The following INO80 variants were observed in gnomAD, a reference collection of about 807,000 sequenced individuals.
INO80 encodes INO80 complex ATPase subunit, also known as chromatin-remodeling ATPase INO80.
Under a neutral mutation model 203.4 loss-of-function variants are expected in INO80, and 20 were observed. The ratio of observed to expected loss-of-function variants is 0.10; its 90% CI spans 0.07 to 0.14. INO80 has a LOEUF of 0.14. Among genes scored for constraint, INO80 ranks in the 10% least tolerant of loss-of-function variants. The pLI, the probability that INO80 is intolerant of heterozygous loss-of-function variation, is 1.00. For synonymous variants in INO80, 726 were observed against 685.2 expected, an observed-to-expected ratio of 1.06 and a Z score of -0.93; for missense variants, 1,419 against 1,914.4, an observed-to-expected ratio of 0.74 and a Z score of 4.83.
At chr15:41,006,619 C>T (rs1394026677) in intron 27 of INO80, among the ~76,000 whole-genome samples, 1 of 152,174 alleles carries the variant, frequency 6.6e-6, no homozygotes, top group Non-Finnish European at 1.5e-5. Context: ...CATTTTAGCA[C>T]ATCAGGTTGC....
intron 35 of INO80, 148 bp downstream of exon 35, chr15:40,982,714 T>G (rs1893875154): frequency 1.6e-6 from 1 of 644,208 alleles, no homozygotes; most frequent in East Asian, 2.6e-5. Flanking sequence ...GAGTCAACAG[T>G]GCTTATTACA....
At chr15:41,040,728 G>A (rs554465993) in intron 24 of INO80, among the ~76,000 whole-genome samples, 2 of 151,780 alleles carry the variant, frequency 1.3e-5, no homozygotes, top group Non-Finnish European at 2.9e-5. Flanking sequence ...CCTGAGCTAC[G>A]ACTGCATCAG....
At chr15:41,037,680 C>G (rs898915784) in intron 24 of INO80, among the ~76,000 whole-genome samples, 25 of 152,084 alleles carry the variant, frequency 1.6e-4, no homozygotes, top group Middle Eastern at 3.4e-3. Flanking sequence ...TGGTGGCTCA[C>G]GCCTGTAATC....
At chr15:40,995,618 T>C (rs1019962318) in intron 29 of INO80, among the ~76,000 whole-genome samples, 1 of 152,086 alleles carries the variant, frequency 6.6e-6, no homozygotes, top group African/African-American at 2.4e-5. Flanking sequence ...AAGAATGGAT[T>C]TGGATCAACA....
chr15:41,027,760 A>G, intron 24 of INO80, 24 bp from the exon 25 acceptor site: 2 of 1,551,946 alleles, frequency 1.3e-6, no homozygotes, highest in East Asian at 2.3e-5. Flanking sequence ...ATGCAAATGA[A>G]TGCCAACTAT....
At chr15:41,102,887 A>C (rs1004881348) in intron 1 of INO80, among the ~76,000 whole-genome samples, 40 of 152,166 alleles carry the variant, frequency 2.6e-4, no homozygotes, top group African/African-American at 9.4e-4. Context: ...CTAAATGCGG[A>C]GTACACCAAA....
Position 41,096,364 on chromosome 15 carries a change from G to C in INO80, c.-43-11C>G, listed in dbSNP as rs891192066. On this transcript the variant is annotated splice_polypyrimidine_tract_variant and intron_variant, in intron 1 of 35. Coordinates refer to ENST00000648947, the MANE Select transcript of INO80 (RefSeq NM_017553.3). ...CCTCCGACTGCACGGCTGCAGAACAGAGATAAGAAGTGAAAGATGAAATTA... is the reference window on the plus strand; with the variant it reads ...CCTCCGACTGCACGGCTGCAGAACACAGATAAGAAGTGAAAGATGAAATTA... The C allele has an allele frequency of 6.7e-7, 1 of 1,483,196 alleles. No homozygotes were observed. 91.9% of individuals were successfully genotyped at this position (1,483,196 alleles called of 1,614,324 possible). A position where few individuals can be genotyped will look rare whatever the true frequency, so the allele number is the denominator to read the frequency against.
intron 4 of INO80, among the ~76,000 whole-genome samples, chr15:41,092,488 C>CTTCCTGTT (rs2045659901): frequency 6.6e-6 from 1 of 151,992 alleles, no homozygotes; most frequent in African/African-American, 2.4e-5. Context: ...ACTATACATA[C>CTTCCTGTT]ATGCCAAACA....
At position 40,980,423 on chromosome 15, in the gene INO80, G is replaced by A; in HGVS notation, c.4471C>T (p.Pro1491Ser). The A allele has an allele frequency of 1.2e-6, 2 of 1,613,118 alleles. No homozygotes were observed. The highest frequency in any genetic ancestry group is 1.7e-6 in the Non-Finnish European group (2 of 1,179,892). Reference protein sequence around the residue: ...NVSKGISASSPLQTSLVRPAG... With the variant: ...NVSKGISASSSLQTSLVRPAG... ...GGCCGAACAAGGGATGTCTGCAGAG[G>A]ACTGCTGGCGGAGATTCCTGTGGGG... Residue 1491 changes from proline (P) to serine (S), a missense_variant, in exon 36 of 36, where the codon CCT (proline) becomes TCT (serine). Around this residue, in one of 9 missense-constraint regions of INO80, gnomAD observed 112 missense variants for 106.2 expected, o/e 1.05. Coordinates refer to ENST00000648947, the MANE Select transcript of INO80 (RefSeq NM_017553.3).
intron 28 of INO80, among the ~76,000 whole-genome samples, chr15:41,004,320 G>A (rs1250175690): frequency 1.3e-5 from 2 of 152,198 alleles, no homozygotes; most frequent in African/African-American, 4.8e-5. Flanking sequence ...AATTGTGGAT[G>A]TGTTTTATGC....
chr15:41,028,229 A>G (rs1369254640), intron 24 of INO80, among the ~76,000 whole-genome samples: 1 of 151,976 alleles, frequency 6.6e-6, no homozygotes, highest in Non-Finnish European at 1.5e-5. Context: ...TCCACCTCCC[A>G]GATTCAAGCT....
chr15:40,981,822 C>T (rs919049738), intron 35 of INO80, among the ~76,000 whole-genome samples: 3 of 152,224 alleles, frequency 2.0e-5, no homozygotes, highest in Non-Finnish European at 2.9e-5. Flanking sequence ...CAGCAGGCCT[C>T]GCCATGTGTT....
At chr15:41,046,688 A>T (rs1051541866) in intron 23 of INO80, among the ~76,000 whole-genome samples, 10 of 147,916 alleles carry the variant, frequency 6.8e-5, no homozygotes, top group African/African-American at 2.5e-4. Flanking sequence ...AGCGATCTTG[A>T]CTCACTGCAA....
At position 40,980,103 on chromosome 15, in the gene INO80, G is replaced by A. The variant is rs1893761664; in HGVS notation, c.*120C>T. 3 of 826,798 alleles carry A rather than the reference G, an allele frequency of 3.6e-6. No individual in the cohort carries two copies. In the South Asian group the frequency reaches 4.6e-5, roughly 13 times the overall value. The allele number at this position is 826,798 out of a possible 1,614,324, so 51.2% of individuals were successfully genotyped here. On this transcript the variant is annotated 3_prime_UTR_variant, in exon 36 of 36. Coordinates refer to ENST00000648947, the MANE Select transcript of INO80 (RefSeq NM_017553.3). ...TCCACCTGCCTGTCCTTCCCCTGCT[G>A]GACATTTCCACTTCTGACTCAGGAT...
intron 16 of INO80, among the ~76,000 whole-genome samples, chr15:41,057,870 T>G (rs2045022782): frequency 6.7e-6 from 1 of 150,050 alleles, no homozygotes; most frequent in Non-Finnish European, 1.5e-5. Flanking sequence ...AAATATCATC[T>G]AGCCAGTTAA....
chr15:41,069,727 A>G, intron 13 of INO80, 62 bp from the exon 14 acceptor site: 2 of 907,048 alleles, frequency 2.2e-6, no homozygotes, highest in Admixed American at 2.4e-5. Context: ...ATTCAAAATT[A>G]TAATTAATGA....
At chr15:41,004,202 G>A (rs746488355) in intron 28 of INO80, among the ~76,000 whole-genome samples, 2 of 152,168 alleles carry the variant, frequency 1.3e-5, no homozygotes, top group Non-Finnish European at 2.9e-5. Flanking sequence ...AAATGGAAAC[G>A]GGTTTGAAGC....
chr15:40,992,286 AACAC>A lies in INO80; in HGVS notation c.3571-4316_3571-4313del, dbSNP rs544967059. Reference sequence around the variant, plus strand: ...GCATTTAAAACAGGTCTGACACAGAAACACAAACAGTGCAGTTTATAACAACCCC... The same window carrying A: ...GCATTTAAAACAGGTCTGACACAGAAAAACAGTGCAGTTTATAACAACCCC... On this transcript the variant is annotated intron_variant, in intron 29 of 35. Coordinates refer to ENST00000648947, the MANE Select transcript of INO80 (RefSeq NM_017553.3). 2.6e-5 allele frequency among the ~76,000 whole-genome samples: 4 copies of A among 152,378 alleles called. No individual in the cohort carries two copies. The South Asian group carries it at 6.2e-4, about 24-fold the overall frequency.
chr15:41,095,657 C>T lies in INO80; in HGVS notation c.325G>A (p.Asp109Asn). 1 of 1,610,642 alleles carries T rather than the reference C, an allele frequency of 6.2e-7. No individual in the cohort carries two copies. Among genetic ancestry groups the T allele is most frequent in the Non-Finnish European group, 8.5e-7 (1 of 1,177,002 alleles). ...GAGAAATTATATAAATTCCCCTTAT[C>T]ACATTTTGATTCTGTATAAAGAAAC... ...NGVLQSESKC[D>N]KGNLYNFSKL... Residue 109 changes from aspartate (D) to asparagine (N), a missense_variant, in exon 4 of 36, where the codon GAT becomes AAT. Transcript: ENST00000648947.
Sources: allele counts gnomAD v4.1 joint callset (sites outside exome capture counted in the v4.1 genomes callset), GRCh38; gene constraint gnomAD v4.1.1; regional missense constraint gnomAD v4.1.1; transcripts MANE v1.5; gene names NCBI Gene and HGNC (gene_info 2026-07-23, HGNC 2026-07-21).